ZNF704: variants seen among roughly 807,000 people sequenced by gnomAD.
ZNF704 encodes glucocorticoid induced gene 1.
ZNF704 carries 10 observed loss-of-function variants against 44.7 expected under a neutral mutation model. The observed-to-expected ratio is 0.22, with a 90% CI of 0.14 to 0.38. ZNF704 has a LOEUF of 0.38. ZNF704 is among the 10% of genes least tolerant of loss of function. The pLI is 1.00. For missense variants in ZNF704, 390 were observed against 545.5 expected (o/e 0.71, Z 2.84); for synonymous variants, 211 against 207.6 (o/e 1.02, Z -0.14).
At chr8:80,754,146 T>TA (rs1353644518) in intron 2 of ZNF704, among the ~76,000 whole-genome samples, 1 of 152,234 alleles carries the variant, frequency 6.6e-6, no homozygotes, top group Admixed American at 6.5e-5. Context: ...TTTTTTTCCT[T>TA]ACAATTGTAT....
intron 7 of ZNF704, among the ~76,000 whole-genome samples, chr8:80,645,659 C>A (rs1312337362): frequency 6.6e-6 from 1 of 152,182 alleles, no homozygotes; most frequent in Non-Finnish European, 1.5e-5. Context: ...GCTCCTGCTT[C>A]ACCTTCCACC....
chr8:80,799,014 C>T (rs375627604), intron 2 of ZNF704, among the ~76,000 whole-genome samples: 2 of 152,132 alleles, frequency 1.3e-5, no homozygotes, highest in Non-Finnish European at 2.9e-5. Flanking sequence ...GTCTTCCTCT[C>T]CTTATAAAGC....
In ZNF704 at chr8:80,683,022, G is replaced by C. The variant is rs575458067; in HGVS notation, c.558+4204C>G. ...GATCAGCGCTTCTTGACTTTCTTGGGGTCTTGTGGAATTGATGGTTAACTC... is the reference window on the plus strand; with the variant it reads ...GATCAGCGCTTCTTGACTTTCTTGGCGTCTTGTGGAATTGATGGTTAACTC... On this transcript the variant is annotated intron_variant, in intron 4 of 8. Coordinates refer to ENST00000327835, the MANE Select transcript of ZNF704 (RefSeq NM_001033723.3). Among the ~76,000 whole-genome samples the C allele has an allele frequency of 2.0e-5, 3 of 152,230 alleles. No homozygotes were observed. In the South Asian group the frequency reaches 6.2e-4, roughly 32 times the overall value.
intron 2 of ZNF704, among the ~76,000 whole-genome samples, chr8:80,791,710 C>T (rs1014286836): frequency 6.7e-6 from 1 of 149,650 alleles, no homozygotes; most frequent in African/African-American, 2.5e-5. Flanking sequence ...GTTATCTGGG[C>T]TGAAAAAAAA....
chr8:80,709,002 A>C (rs868453882), intron 2 of ZNF704, among the ~76,000 whole-genome samples: 5 of 152,252 alleles, frequency 3.3e-5, no homozygotes, highest in Non-Finnish European at 7.3e-5. Context: ...ACTAAAAATT[A>C]TTATAAAAAT....
chr8:80,736,116 G>A (rs1411769266), intron 2 of ZNF704, among the ~76,000 whole-genome samples: 1 of 152,152 alleles, frequency 6.6e-6, no homozygotes, highest in African/African-American at 2.4e-5. Flanking sequence ...CTTCAAAGAA[G>A]GCTACATATA....
chr8:80,864,950 A>G (rs1205585581), intron 1 of ZNF704, among the ~76,000 whole-genome samples: 1 of 152,174 alleles, frequency 6.6e-6, no homozygotes, highest in Non-Finnish European at 1.5e-5. Context: ...AAGAGATAGG[A>G]TGTCTCTGTC....
At chr8:80,708,314 C>T (rs1452501252) in intron 2 of ZNF704, among the ~76,000 whole-genome samples, 1 of 152,164 alleles carries the variant, frequency 6.6e-6, no homozygotes, top group Non-Finnish European at 1.5e-5. Flanking sequence ...CAGCCAGAAA[C>T]ACAATGCAGA....
intron 2 of ZNF704, among the ~76,000 whole-genome samples, chr8:80,696,404 T>C (rs1360112272): frequency 6.6e-6 from 1 of 152,102 alleles, no homozygotes; most frequent in African/African-American, 2.4e-5. Flanking sequence ...ACCAGAAGTG[T>C]TTTGGATTTC....
In ZNF704 at chr8:80,717,895, C is replaced by A. The variant is rs555269330; in HGVS notation, c.222-24788G>T. Among the ~76,000 whole-genome samples the A allele has an allele frequency of 5.9e-5, 9 of 152,296 alleles. No individual in the cohort carries two copies. The East Asian group carries it at 1.5e-3, about 26-fold the overall frequency. ...AGGCCATTCATCAGCTAATTCCCAT[C>A]TAGAACTGTCTCCTTCTCTCTCACA... On this transcript the variant is annotated intron_variant, in intron 2 of 8. Coordinates refer to ENST00000327835, the MANE Select transcript of ZNF704 (RefSeq NM_001033723.3).
At chr8:80,788,111 A>G (rs1004062968) in intron 2 of ZNF704, among the ~76,000 whole-genome samples, 3 of 152,234 alleles carry the variant, frequency 2.0e-5, no homozygotes, top group Non-Finnish European at 4.4e-5. Context: ...ATTTCATGCA[A>G]TATGCAGTGA....
At chr8:80,703,333 C>T (rs543518660) in intron 2 of ZNF704, among the ~76,000 whole-genome samples, 75 of 152,264 alleles carry the variant, frequency 4.9e-4, no homozygotes, top group African/African-American at 1.7e-3. Context: ...AAGCCGCCTT[C>T]CACCTGCCAA....
intron 2 of ZNF704, among the ~76,000 whole-genome samples, chr8:80,702,247 T>C (rs2131645536): frequency 6.6e-6 from 1 of 152,264 alleles, no homozygotes; most frequent in Admixed American, 6.5e-5. Context: ...TGCTTCTCTC[T>C]GGAGGTCTCT....
rs1039287110 is a variant in ZNF704, at chr8:80,630,358, G to A, written c.*11008C>T. 4 of 152,200 alleles carry A rather than the reference G, an allele frequency of 2.6e-5. No homozygotes were observed. Among genetic ancestry groups the A allele is most frequent in the African/African-American group, 9.7e-5 (4 of 41,438 alleles). 9.4% of individuals were successfully genotyped at this position (152,200 alleles called of 1,614,324 possible). ...GTGAATGCCTGTCATTTCCACACGAGTGTCACACAGGAAGGACTGCTGTTT... is the reference window on the plus strand; with the variant it reads ...GTGAATGCCTGTCATTTCCACACGAATGTCACACAGGAAGGACTGCTGTTT... On this transcript the variant is annotated 3_prime_UTR_variant, in exon 9 of 9. Coordinates refer to ENST00000327835, the MANE Select transcript of ZNF704 (RefSeq NM_001033723.3).
At chr8:80,825,040 C>T (rs1439684031) in intron 1 of ZNF704, among the ~76,000 whole-genome samples, 2 of 152,140 alleles carry the variant, frequency 1.3e-5, no homozygotes, top group African/African-American at 2.4e-5. Flanking sequence ...AACCAGCTAA[C>T]ATCATAATGA....
intron 2 of ZNF704, among the ~76,000 whole-genome samples, chr8:80,813,519 C>T (rs936226320): frequency 3.3e-5 from 5 of 152,130 alleles, no homozygotes; most frequent in Non-Finnish European, 7.4e-5. Context: ...CACACACATA[C>T]ATACACACAC....
rs1807899440 is a variant in ZNF704, at chr8:80,801,556, T to G, written c.221+19818A>C. On this transcript the variant is annotated intron_variant, in intron 2 of 8. Transcript: ENST00000327835. ...ACATGGAAATTGAACAACCTGTTCA[T>G]GAATAACTGTTAGTTAAATAATGAA... Among the ~76,000 whole-genome samples the G allele has an allele frequency of 4.6e-5, 7 of 152,188 alleles. No homozygotes were observed. The South Asian group carries it at 1.5e-3, about 32-fold the overall frequency.
intron 2 of ZNF704, chr8:80,812,618 TTTAG>T (rs1273146104): frequency 6.6e-6 from 1 of 152,370 alleles, no homozygotes; most frequent in Non-Finnish European, 1.5e-5. Flanking sequence ...TTTGCTCCTG[TTTAG>T]TTATTTTTCC....
At chr8:80,836,099 C>A (rs924475071) in intron 1 of ZNF704, among the ~76,000 whole-genome samples, 1 of 152,166 alleles carries the variant, frequency 6.6e-6, no homozygotes, top group Non-Finnish European at 1.5e-5. Context: ...TCAGATCATG[C>A]CCCTCCTTGG....
Sources: gnomAD v4.1 joint callset for allele counts (sites outside exome capture counted in the v4.1 genomes callset) on GRCh38, gnomAD v4.1.1 for gene constraint, MANE v1.5 for transcripts, NCBI Gene and HGNC (gene_info 2026-07-23, HGNC 2026-07-21) for gene names.